Variants in CLASP2 observed in about 807,000 individuals in gnomAD.
The protein encoded by CLASP2 is CLIP-associating protein 2.
CLASP2 carries 47 observed loss-of-function variants against 194.4 expected under a neutral mutation model. That is an observed-to-expected ratio of 0.24 (90% CI 0.19 to 0.31). The LOEUF is 0.31. Among genes scored for constraint, CLASP2 ranks in the 10% least tolerant of loss-of-function variants. The probability of loss-of-function intolerance (pLI) is 1.00; values close to 1 mark genes in which losing one functional copy is unlikely to be tolerated. For missense variants in CLASP2, 1,445 were observed against 1,823.6 expected, an observed-to-expected ratio of 0.79 and a Z score of 3.78; for synonymous variants, 619 against 633.5, an observed-to-expected ratio of 0.98 and a Z score of 0.34.
At chr3:33,522,810 C>A (rs2335246) in intron 34 of CLASP2, among the ~76,000 whole-genome samples, 5,874 of 152,298 alleles carry the variant, frequency 0.039, 127 homozygotes, top group Non-Finnish European at 0.05. Flanking sequence ...GTGGCTCACG[C>A]CTGTAATCCC....
intron 25 of CLASP2, among the ~76,000 whole-genome samples, 183 bp from the exon 26 acceptor site, chr3:33,570,973 C>T (rs1015792318): frequency 6.8e-6 from 1 of 147,700 alleles, no homozygotes; most frequent in Non-Finnish European, 1.5e-5. Context: ...CCCAGGAGTT[C>T]AAGATCAGCA....
In CLASP2 at chr3:33,559,389, A is replaced by T. The variant is rs540209401; in HGVS notation, c.2931-4T>A. 6.1e-5 allele frequency: 95 copies of T among 1,567,118 alleles called. 2 individuals are homozygous for T. In the South Asian group the frequency reaches 1.1e-3, roughly 18 times the overall value. On this transcript the variant is annotated splice_region_variant and splice_polypyrimidine_tract_variant and intron_variant, in intron 28 of 38. Coordinates refer to ENST00000682230, the MANE Select transcript of CLASP2 (RefSeq NM_001365631.1). The stretch of plus-strand genomic sequence containing the variant: ...AAGATCATTTGGAAAAGACTCTCTG[A>T]AACAAGAACAAAGCAAAACGAAACA...
intron 2 of CLASP2, among the ~76,000 whole-genome samples, chr3:33,694,223 A>G (rs938902355): frequency 1.3e-5 from 2 of 152,170 alleles, no homozygotes; most frequent in Non-Finnish European, 2.9e-5. Flanking sequence ...GAAAAAGTCT[A>G]CTGAGATGGA....
intron 2 of CLASP2, among the ~76,000 whole-genome samples, chr3:33,694,634 G>T (rs13065450): frequency 6.6e-6 from 1 of 151,988 alleles, no homozygotes; most frequent in African/African-American, 2.4e-5. Context: ...GAGGTTTTAC[G>T]AATTGGAAAG....
rs374806159 is a variant in CLASP2, at chr3:33,697,361, T to C, written c.196-428A>G. 6.6e-5 allele frequency among the ~76,000 whole-genome samples: 10 copies of C among 152,338 alleles called. No homozygotes were observed. The South Asian group carries it at 1.4e-3, about 22-fold the overall frequency. On this transcript the variant is annotated intron_variant, in intron 1 of 38. Coordinates refer to ENST00000682230, the MANE Select transcript of CLASP2 (RefSeq NM_001365631.1). ...AACCTAAGCTATATGGTATATCCTA[T>C]TGCTCCTAGGCTACTACCTGTACAG... is the stretch of plus-strand genomic sequence containing the variant.
At chr3:33,529,964 G>A (rs1334861642) in intron 34 of CLASP2, among the ~76,000 whole-genome samples, 1 of 114,366 alleles carries the variant, frequency 8.7e-6, no homozygotes, top group Non-Finnish European at 1.6e-5. Flanking sequence ...CGGGCTGGGC[G>A]ACAGAGCGAG....
chr3:33,615,562 A>T (rs1187540675), intron 12 of CLASP2, among the ~76,000 whole-genome samples: 13 of 54,090 alleles, frequency 2.4e-4, no homozygotes, highest in African/African-American at 4.9e-4. Flanking sequence ...AAGCAGATTT[A>T]AAAAAAAAAA....
rs112631619 is a variant in CLASP2 at position 33,550,817 on chromosome 3, T to A, written c.3153+435A>T. Among the ~76,000 whole-genome samples the A allele has an allele frequency of 7.2e-3, 1,094 of 152,252 alleles. 12 individuals carry two copies. The highest frequency in any genetic ancestry group is 0.024 in the African/African-American group (1,002 of 41,546). Reference sequence around the variant, plus strand: ...AACTAGTAATTGATTCATAAGTAGTTTATGAATACCTTAGAAAGGATACAG... The same window carrying A: ...AACTAGTAATTGATTCATAAGTAGTATATGAATACCTTAGAAAGGATACAG... On this transcript the variant is annotated intron_variant, in intron 30 of 38. Coordinates refer to ENST00000682230, the MANE Select transcript of CLASP2 (RefSeq NM_001365631.1).
chr3:33,537,967 T>A (rs1465159655), intron 33 of CLASP2, among the ~76,000 whole-genome samples: 2 of 152,014 alleles, frequency 1.3e-5, no homozygotes, highest in Non-Finnish European at 2.9e-5. Context: ...CGGTGAAACC[T>A]CATCTCTGCT....
At chr3:33,708,369 A>G (rs2092797646) in intron 1 of CLASP2, among the ~76,000 whole-genome samples, 2 of 150,604 alleles carry the variant, frequency 1.3e-5, no homozygotes, top group Admixed American at 1.3e-4. Flanking sequence ...ACTTAGCATA[A>G]TGTCTTCCAG....
chr3:33,667,977 T>G (rs917329804), intron 6 of CLASP2, among the ~76,000 whole-genome samples: 34 of 152,166 alleles, frequency 2.2e-4, no homozygotes, highest in Non-Finnish European at 4.9e-4. Flanking sequence ...CCCAGCACTT[T>G]GGGAGGCTGA....
At position 33,509,140 on chromosome 3, in the gene CLASP2, C is replaced by T. The variant is rs182806255; in HGVS notation, c.4317+1418G>A. Among the ~76,000 whole-genome samples the T allele has an allele frequency of 1.1e-3, 175 of 152,270 alleles. 2 individuals carry two copies. The Middle Eastern group carries it at 0.037, about 33-fold the overall frequency. On this transcript the variant is annotated intron_variant, in intron 37 of 38. Coordinates refer to ENST00000682230, the MANE Select transcript of CLASP2 (RefSeq NM_001365631.1). ...TAAATAATATTTTCATTTTGACATA[C>T]CCAATTCAAAGTTAAGGTTTTAAGA...
At chr3:33,639,371 T>C (rs879589922) in intron 8 of CLASP2, among the ~76,000 whole-genome samples, 8 of 152,170 alleles carry the variant, frequency 5.3e-5, no homozygotes, top group Admixed American at 5.2e-4. Flanking sequence ...GTCCTCTTTG[T>C]TGATTAACGT....
intron 30 of CLASP2, among the ~76,000 whole-genome samples, chr3:33,548,468 T>A (rs982179607): frequency 1.3e-5 from 2 of 151,810 alleles, no homozygotes; most frequent in African/African-American, 4.8e-5. Flanking sequence ...CAGCTAATTT[T>A]TCATATTTTT....
intron 1 of CLASP2, among the ~76,000 whole-genome samples, chr3:33,708,076 G>T (rs1301208622): frequency 6.6e-6 from 1 of 152,032 alleles, no homozygotes; most frequent in African/African-American, 2.4e-5. Context: ...CTGTTTTGTG[G>T]TGAGAACGTG....
At chr3:33,511,388 G>A (rs1050312158) in intron 36 of CLASP2, among the ~76,000 whole-genome samples, 2 of 152,018 alleles carry the variant, frequency 1.3e-5, no homozygotes, top group Admixed American at 6.6e-5. Context: ...TTAGTGTGAG[G>A]AGGCTCTATT....
intron 34 of CLASP2, among the ~76,000 whole-genome samples, chr3:33,526,279 T>C (rs1425906793): frequency 6.6e-6 from 1 of 152,054 alleles, no homozygotes; most frequent in Non-Finnish European, 1.5e-5. Context: ...AATAAAGGTA[T>C]GGAGGAAAAT....
In CLASP2 at chr3:33,520,738, T is replaced by C. The variant is rs1387664968; in HGVS notation, c.3788-3564A>G. Among the ~76,000 whole-genome samples, 4 of 151,946 alleles carry C rather than the reference T, an allele frequency of 2.6e-5. No individual in the cohort carries two copies. The South Asian group carries it at 8.3e-4, about 32-fold the overall frequency. ...AAAAGTGGGTTATCAATCTGGAAAT[T>C]AGAATTTCCTTGGTGCCAGAATGGA... On this transcript the variant is annotated intron_variant, in intron 34 of 38. Coordinates refer to ENST00000682230, the MANE Select transcript of CLASP2 (RefSeq NM_001365631.1).
intron 6 of CLASP2, among the ~76,000 whole-genome samples, chr3:33,673,210 C>T (rs901763120): frequency 6.6e-6 from 1 of 152,194 alleles, no homozygotes; most frequent in Non-Finnish European, 1.5e-5. Context: ...GGGTTACCCA[C>T]TAAGGGAAGC....
Sources: gnomAD v4.1 joint callset for allele counts (sites outside exome capture counted in the v4.1 genomes callset) on GRCh38, gnomAD v4.1.1 for gene constraint, MANE v1.5 for transcripts, NCBI Gene and HGNC (gene_info 2026-07-23, HGNC 2026-07-21) for gene names.